The following ADAMTSL1 variants were observed in gnomAD, a reference collection of about 807,000 sequenced individuals.
ADAMTSL1 encodes the protein ADAMTS-like protein 1.
Under a neutral mutation model 201.8 loss-of-function variants are expected in ADAMTSL1, and 126 were observed. The ratio of observed to expected loss-of-function variants is 0.62; its 90% CI spans 0.54 to 0.72. The LOEUF is 0.72. Ranked by LOEUF, ADAMTSL1 falls within the 30% of genes least tolerant of loss-of-function variation. The pLI is 0.00. For missense variants in ADAMTSL1, 2,679 were observed against 2,277.8 expected, an observed-to-expected ratio of 1.18 and a Z score of -3.59; for synonymous variants, 1,121 against 903.4, an observed-to-expected ratio of 1.24 and a Z score of -4.32.
At chr9:18,247,869 G>GTA (rs141740490) in intron 2 of ADAMTSL1, among the ~76,000 whole-genome samples, 1,865 of 152,026 alleles carry the variant, frequency 0.012, 52 homozygotes, top group African/African-American at 0.043. Context: ...TGCATGCCTG[G>GTA]TATATATATG....
intron 1 of ADAMTSL1, among the ~76,000 whole-genome samples, chr9:18,084,131 T>G (rs989223456): frequency 6.6e-6 from 1 of 152,206 alleles, no homozygotes; most frequent in African/African-American, 2.4e-5. Flanking sequence ...GAATCAATTT[T>G]TTGCCTTAGC....
chr9:17,908,885 G>A (rs944305100), intron 1 of ADAMTSL1, among the ~76,000 whole-genome samples: 2 of 152,058 alleles, frequency 1.3e-5, no homozygotes, highest in Non-Finnish European at 2.9e-5. Flanking sequence ...AGGTCCCTGA[G>A]GACTCGCCAC....
At chr9:18,000,397 G>T (rs1055103569) in intron 1 of ADAMTSL1, among the ~76,000 whole-genome samples, 1 of 151,662 alleles carries the variant, frequency 6.6e-6, no homozygotes, top group Non-Finnish European at 1.5e-5. Context: ...CAGTCATCCT[G>T]CCTCACCACC....
At chr9:18,079,007 G>T (rs1471626446) in intron 1 of ADAMTSL1, among the ~76,000 whole-genome samples, 2 of 152,124 alleles carry the variant, frequency 1.3e-5, no homozygotes, top group Non-Finnish European at 2.9e-5. Flanking sequence ...CCAGGCAGGG[G>T]TCAGAACCTG....
At chr9:18,045,239 A>G (rs1430833019) in intron 1 of ADAMTSL1, among the ~76,000 whole-genome samples, 1 of 152,174 alleles carries the variant, frequency 6.6e-6, no homozygotes, top group East Asian at 1.9e-4. Flanking sequence ...TTATATCACA[A>G]CTGAGTATAT....
At chr9:18,697,176 C>G (rs940556678) in intron 13 of ADAMTSL1, among the ~76,000 whole-genome samples, 2 of 152,090 alleles carry the variant, frequency 1.3e-5, no homozygotes, top group Non-Finnish European at 2.9e-5. Context: ...GCCACCGTGC[C>G]TGGCCAAAAA....
intron 1 of ADAMTSL1, among the ~76,000 whole-genome samples, chr9:18,136,680 A>G (rs561614343): frequency 6.6e-6 from 1 of 152,144 alleles, no homozygotes; most frequent in Non-Finnish European, 1.5e-5. Flanking sequence ...TGGCATTCCA[A>G]ACAGAAAAGG....
chr9:18,000,600 A>G (rs1476621904), intron 1 of ADAMTSL1, among the ~76,000 whole-genome samples: 1 of 152,048 alleles, frequency 6.6e-6, no homozygotes, highest in Non-Finnish European at 1.5e-5. Context: ...AACTTGGGAA[A>G]AACCTCCTTT....
At chr9:18,262,821 C>T (rs771546372) in intron 2 of ADAMTSL1, among the ~76,000 whole-genome samples, 1 of 152,192 alleles carries the variant, frequency 6.6e-6, no homozygotes, top group African/African-American at 2.4e-5. Context: ...ATGGAATGTT[C>T]AAATGACAAC....
chr9:18,137,993 T>G (rs1316773527), intron 1 of ADAMTSL1, among the ~76,000 whole-genome samples: 7 of 152,110 alleles, frequency 4.6e-5, no homozygotes, highest in African/African-American at 1.7e-4. Context: ...CCGGACCAAC[T>G]CTCCAGAAGC....
chr9:18,024,968 G>C (rs758250176), intron 1 of ADAMTSL1, among the ~76,000 whole-genome samples: 5 of 152,016 alleles, frequency 3.3e-5, no homozygotes, highest in Non-Finnish European at 7.4e-5. Flanking sequence ...TCTGACTGCT[G>C]TTAAGATGAT....
Position 17,961,229 on chromosome 9 carries a change from T to C in ADAMTSL1, c.87+54307T>C, listed in dbSNP as rs111798099. Reference sequence around the variant, plus strand: ...TTTTTCACCTAATGGGTACAATAACTTTTCATGGATGTTGTGATTATTATT... The same window carrying C: ...TTTTTCACCTAATGGGTACAATAACCTTTCATGGATGTTGTGATTATTATT... On this transcript the variant is annotated intron_variant, in intron 1 of 29. Coordinates refer to the ADAMTSL1 transcript ENST00000680146. 1.8e-3 allele frequency among the ~76,000 whole-genome samples: 276 copies of C among 152,162 alleles called. 1 individual carries two copies. The highest frequency in any genetic ancestry group is 6.3e-3 in the African/African-American group (261 of 41,556).
chr9:18,374,746 T>A (rs1837208059), intron 2 of ADAMTSL1, among the ~76,000 whole-genome samples: 1 of 152,230 alleles, frequency 6.6e-6, no homozygotes, highest in Admixed American at 6.5e-5. Context: ...CTCACCTGTC[T>A]ACATGACCTA....
chr9:18,605,550 G>A (rs961894146), intron 4 of ADAMTSL1, among the ~76,000 whole-genome samples: 4 of 152,150 alleles, frequency 2.6e-5, no homozygotes, highest in South Asian at 4.1e-4. Flanking sequence ...ACTCCACCTT[G>A]GGAAAGAAGA....
intron 1 of ADAMTSL1, among the ~76,000 whole-genome samples, chr9:18,116,977 C>T (rs1483390528): frequency 6.6e-6 from 1 of 152,150 alleles, no homozygotes; most frequent in Admixed American, 6.5e-5. Context: ...AAACTCCATC[C>T]TTCAAATTGT....
chr9:18,582,969 C>T (rs1162903951), intron 4 of ADAMTSL1, among the ~76,000 whole-genome samples: 2 of 152,182 alleles, frequency 1.3e-5, no homozygotes, highest in Non-Finnish European at 2.9e-5. Flanking sequence ...TGAGACATGG[C>T]TATCACCTTC....
At chr9:18,645,412 T>G (rs1369355165) in intron 7 of ADAMTSL1, among the ~76,000 whole-genome samples, 19 of 152,056 alleles carry the variant, frequency 1.2e-4, no homozygotes, top group Admixed American at 1.2e-3. Context: ...ATTTGTCAGT[T>G]TTGGCTTTTG....
chr9:17,909,151 C>T (rs1435467361), intron 1 of ADAMTSL1, among the ~76,000 whole-genome samples: 2 of 144,934 alleles, frequency 1.4e-5, no homozygotes, highest in Non-Finnish European at 3.1e-5. Flanking sequence ...GTCCTTCGCC[C>T]ACTTTTTGAT....
At chr9:18,435,299 A>T (rs935007555) in intron 2 of ADAMTSL1, among the ~76,000 whole-genome samples, 3 of 152,210 alleles carry the variant, frequency 2.0e-5, no homozygotes, top group Non-Finnish European at 4.4e-5. Flanking sequence ...TAAGTGAGAA[A>T]ACCTTAAGGT....
Sources: gnomAD v4.1 joint callset for allele counts (sites outside exome capture counted in the v4.1 genomes callset) on GRCh38, gnomAD v4.1.1 for gene constraint, MANE v1.5 for transcripts, NCBI Gene and HGNC (gene_info 2026-07-23, HGNC 2026-07-21) for gene names.